TIAM2: variants seen among roughly 807,000 people sequenced by gnomAD.
The protein encoded by TIAM2 is TIAM Rac1 associated GEF 2, also known as rho guanine nucleotide exchange factor TIAM2.
TIAM2 carries 80 observed loss-of-function variants against 152.9 expected under a neutral mutation model. The observed-to-expected ratio is 0.52, with a 90% CI of 0.44 to 0.63. The LOEUF is 0.63. TIAM2 is among the 30% of genes least tolerant of loss of function. The probability of loss-of-function intolerance (pLI) is 0.00; values close to 1 mark genes in which losing one functional copy is unlikely to be tolerated. For missense variants in TIAM2, 1,965 were observed against 2,120.1 expected (o/e 0.93, Z 1.44); for synonymous variants, 804 against 838.0 (o/e 0.96, Z 0.70).
intron 1 of TIAM2, among the ~76,000 whole-genome samples, chr6:155,038,725 A>G (rs929475103): frequency 6.6e-6 from 1 of 152,080 alleles, no homozygotes; most frequent in African/African-American, 2.4e-5. Context: ...TTGAGGCCAG[A>G]AATTCGAGAC....
intron 23 of TIAM2, 53 bp from the exon 24 acceptor site, chr6:155,252,895 T>A: frequency 6.7e-7 from 1 of 1,493,596 alleles, no homozygotes. Flanking sequence ...GCACACATCC[T>A]CCCTCAGTGA....
chr6:155,004,701 A>G (rs901353755), intron 1 of TIAM2: 2 of 152,170 alleles, frequency 1.3e-5, no homozygotes, highest in African/African-American at 4.8e-5. Context: ...GCCTCTTAAT[A>G]CCATCTTTTT....
chr6:155,026,282 G>A (rs1173816322), intron 1 of TIAM2, among the ~76,000 whole-genome samples: 1 of 152,162 alleles, frequency 6.6e-6, no homozygotes, highest in Non-Finnish European at 1.5e-5. Context: ...AATTTCAAAT[G>A]TTCAAAATCT....
chr6:155,246,370 T>C (rs962535844), intron 19 of TIAM2, among the ~76,000 whole-genome samples: 1 of 152,146 alleles, frequency 6.6e-6, no homozygotes, highest in Admixed American at 6.5e-5. Context: ...AGTGGGGTCT[T>C]AGAGTGCTTC....
intron 2 of TIAM2, among the ~76,000 whole-genome samples, chr6:155,106,663 G>A (rs1185516519): frequency 2.6e-5 from 4 of 152,214 alleles, no homozygotes; most frequent in Non-Finnish European, 5.9e-5. Flanking sequence ...GATGGTAGGT[G>A]TGTATTCTTA....
chr6:155,244,926 T>C (rs1783233053), intron 18 of TIAM2, 143 bp downstream of exon 18: 2 of 1,104,182 alleles, frequency 1.8e-6, no homozygotes, highest in South Asian at 4.5e-5. Flanking sequence ...CTTGCACCGT[T>C]TTCCTCTGTC....
chr6:155,215,724 TA>T (rs1393445716), intron 15 of TIAM2, among the ~76,000 whole-genome samples: 27 of 129,046 alleles, frequency 2.1e-4, no homozygotes, highest in Non-Finnish European at 3.9e-4. Context: ...AAAAAAATTT[TA>T]AATTTTTTTT....
At chr6:155,115,676 T>TA (rs1562321021) in intron 2 of TIAM2, among the ~76,000 whole-genome samples, 1 of 152,078 alleles carries the variant, frequency 6.6e-6, no homozygotes, top group Non-Finnish European at 1.5e-5. Flanking sequence ...CAATCGATGT[T>TA]AAAAAATGAT....
At chr6:155,168,937 C>A in intron 9 of TIAM2, 1 of 1,512,344 alleles carries the variant, frequency 6.6e-7, no homozygotes, top group Non-Finnish European at 8.8e-7. Context: ...CTATAGATGG[C>A]CGCCATCTTG....
Position 155,177,557 on chromosome 6 carries a change from G to C in TIAM2, c.2523+580G>C, listed in dbSNP as rs558999081. Among the ~76,000 whole-genome samples the C allele has an allele frequency of 5.3e-5, 8 of 152,280 alleles. No individual in the cohort carries two copies. The East Asian group carries it at 1.5e-3, about 29-fold the overall frequency. The stretch of plus-strand genomic sequence containing the variant: ...CAGATCAGAAGCTTTTAGACCACCA[G>C]GTGGTGCAGTAGAGCTTAAATAGTT... On this transcript the variant is annotated intron_variant, in intron 10 of 26. Coordinates refer to ENST00000682666, the MANE Select transcript of TIAM2 (RefSeq NM_012454.4).
intron 1 of TIAM2, among the ~76,000 whole-genome samples, chr6:155,033,161 A>G (rs1045524543): frequency 2.6e-5 from 4 of 152,160 alleles, no homozygotes; most frequent in African/African-American, 9.7e-5. Flanking sequence ...TTTTGAGTAC[A>G]TATGTATTCA....
chr6:155,114,036 A>ATATATATATATATATATATTTTTT, intron 2 of TIAM2, among the ~76,000 whole-genome samples: 2 of 34,906 alleles, frequency 5.7e-5, no homozygotes, highest in African/African-American at 1.1e-4. Context: ...ATATATATAT[A>ATATATATATATATATATATTTTTT]TTTTTTTTTT....
rs1781780642 is a variant in TIAM2, at chr6:155,213,738, C to T, written c.3168+2431C>T. ...CCAAAGGGTGCCTGCAGGCCAGGGC[C>T]GAGCTGCCCTCAGTCCCCTCCTTGG... On this transcript the variant is annotated intron_variant, in intron 15 of 26. Transcript: ENST00000682666. The surrounding 1 kb of genome is among the most constrained non-coding windows in gnomAD (Gnocchi z 4.2). Among the ~76,000 whole-genome samples, 1 of 152,210 alleles carries T rather than the reference C, an allele frequency of 6.6e-6. No individual in the cohort carries two copies. Among genetic ancestry groups the T allele is most frequent in the African/African-American group, 2.4e-5 (1 of 41,448 alleles).
chr6:155,131,969 TACTGATAAA>T (rs1174525374), intron 4 of TIAM2, among the ~76,000 whole-genome samples: 3 of 151,916 alleles, frequency 2.0e-5, no homozygotes, highest in Non-Finnish European at 1.5e-5. Context: ...AAAATATATA[TACTGATAAA>T]ACTGATAAAA....
intron 2 of TIAM2, among the ~76,000 whole-genome samples, chr6:155,114,149 G>T (rs534549590): frequency 7.0e-6 from 1 of 142,096 alleles, no homozygotes; most frequent in East Asian, 2.1e-4. Context: ...TGCCTCTCAG[G>T]TTCAAGTGAT....
chr6:155,205,798 G>A (rs1781582541), intron 14 of TIAM2, among the ~76,000 whole-genome samples: 1 of 152,124 alleles, frequency 6.6e-6, no homozygotes, highest in Non-Finnish European at 1.5e-5. Context: ...CTATCACAGT[G>A]AGCACCTAGA....
At chr6:155,191,357 G>A (rs1206783949) in intron 14 of TIAM2, among the ~76,000 whole-genome samples, 2 of 152,196 alleles carry the variant, frequency 1.3e-5, no homozygotes, top group African/African-American at 4.8e-5. Flanking sequence ...ATACTGCCTG[G>A]CACGTAGTAA....
At chr6:155,202,933 G>T (rs1332486509) in intron 14 of TIAM2, among the ~76,000 whole-genome samples, 1 of 148,734 alleles carries the variant, frequency 6.7e-6, no homozygotes, top group Admixed American at 6.8e-5. Flanking sequence ...TGCACCCATA[G>T]TTCCAGCTAC....
At chr6:155,246,932 T>C (rs527396799) in intron 19 of TIAM2, among the ~76,000 whole-genome samples, 1 of 152,372 alleles carries the variant, frequency 6.6e-6, no homozygotes, top group South Asian at 2.1e-4. Flanking sequence ...CAGTGCCAAC[T>C]GGTGGAATCC....
Sources: allele counts gnomAD v4.1 joint callset (sites outside exome capture counted in the v4.1 genomes callset), GRCh38; gene constraint gnomAD v4.1.1; non-coding constraint Gnocchi (gnomAD v3.1); transcripts MANE v1.5; gene names NCBI Gene and HGNC (gene_info 2026-07-23, HGNC 2026-07-21).